KAZN: variants seen among roughly 807,000 people sequenced by gnomAD.
KAZN encodes kazrin.
In KAZN, 40 loss-of-function variants were observed where a neutral mutation model predicts 87.4. That is an observed-to-expected ratio of 0.46 (90% CI 0.36 to 0.60). The LOEUF (loss-of-function observed/expected upper bound fraction) is 0.60. KAZN is among the 20% of genes least tolerant of loss of function. The pLI, the probability that KAZN is intolerant of heterozygous loss-of-function variation, is 0.00. For missense variants in KAZN, 898 were observed against 1,073.9 expected (o/e 0.84, Z 2.29); for synonymous variants, 466 against 458.3 (o/e 1.02, Z -0.22).
chr1:14,368,304 C>A (rs368541319), intron 2 of KAZN, among the ~76,000 whole-genome samples: 1 of 152,096 alleles, frequency 6.6e-6, no homozygotes. Flanking sequence ...TGTTTACAGA[C>A]GGGATGCATC....
In KAZN at chr1:14,754,996, C is replaced by T. The variant is rs185230416; in HGVS notation, c.226+155773C>T. Among the ~76,000 whole-genome samples, 8 of 151,130 alleles carry T rather than the reference C, an allele frequency of 5.3e-5. No homozygotes were observed. The East Asian group carries it at 7.8e-4, about 15-fold the overall frequency. ...GTGGCTCACATCTATAATCCCAGCA[C>T]TGTGAGCGGCCAAGGCGGGAGGATC... On this transcript the variant is annotated intron_variant, in intron 1 of 14. Transcript: ENST00000376030.
chr1:14,333,390 G>A (rs1217964450), intron 2 of KAZN, among the ~76,000 whole-genome samples: 2 of 152,160 alleles, frequency 1.3e-5, no homozygotes, highest in African/African-American at 4.8e-5. Flanking sequence ...ATATTCAAAA[G>A]GAAGTTTAAA....
chr1:15,103,508 C>A, intron 12 of KAZN, 48 bp downstream of exon 12: 3 of 1,236,076 alleles, frequency 2.4e-6, no homozygotes, highest in Non-Finnish European at 2.3e-6. Flanking sequence ...ATACACAAAC[C>A]CCATGCAAAT....
intron 2 of KAZN, among the ~76,000 whole-genome samples, chr1:14,437,154 G>A (rs1666444025): frequency 6.6e-6 from 1 of 152,176 alleles, no homozygotes; most frequent in African/African-American, 2.4e-5. Flanking sequence ...CAGTGAGTCA[G>A]AGCCATGTGT....
At chr1:14,647,894 A>G (rs1379038397) in intron 1 of KAZN, among the ~76,000 whole-genome samples, 2 of 152,274 alleles carry the variant, frequency 1.3e-5, no homozygotes, top group East Asian at 3.9e-4. Context: ...CTTAACAGAA[A>G]GGGTGGTGTG....
chr1:15,072,707 A>G (rs190606855), intron 8 of KAZN, among the ~76,000 whole-genome samples: 1 of 152,318 alleles, frequency 6.6e-6, no homozygotes, highest in Non-Finnish European at 1.5e-5. Context: ...AGAGAGGTGA[A>G]GTTCTTGACT....
intron 2 of KAZN, among the ~76,000 whole-genome samples, chr1:14,195,511 T>TCACACA (rs55792359): frequency 0.23 from 34,238 of 145,834 alleles, 4,227 homozygotes; most frequent in Middle Eastern, 0.34. Context: ...CAAAAACGGC[T>TCACACA]CACACACACA....
intron 1 of KAZN, among the ~76,000 whole-genome samples, chr1:14,147,759 G>A (rs1259209620): frequency 6.6e-6 from 1 of 150,684 alleles, no homozygotes; most frequent in Non-Finnish European, 1.5e-5. Flanking sequence ...TCGCGCCACT[G>A]CACTCCAGCC....
At chr1:15,058,634 G>A (rs115587123) in intron 5 of KAZN, among the ~76,000 whole-genome samples, 132 of 152,322 alleles carry the variant, frequency 8.7e-4, no homozygotes, top group African/African-American at 3.1e-3. Flanking sequence ...GGCACCATGA[G>A]CTCTGGGATT....
At chr1:14,422,941 T>C (rs1292617889) in intron 2 of KAZN, among the ~76,000 whole-genome samples, 3 of 152,260 alleles carry the variant, frequency 2.0e-5, no homozygotes, top group Non-Finnish European at 4.4e-5. Context: ...AGATTGAGGC[T>C]TCTTTGCCTA....
intron 2 of KAZN, among the ~76,000 whole-genome samples, chr1:14,348,168 AG>A (rs1481555017): frequency 6.7e-6 from 1 of 150,198 alleles, no homozygotes; most frequent in Admixed American, 6.8e-5. Context: ...CTCCTGCCTC[AG>A]CCTCCCACGT....
intron 1 of KAZN, chr1:14,929,755 C>A (rs922253777): frequency 1.4e-5 from 14 of 985,174 alleles, no homozygotes; most frequent in Non-Finnish European, 1.7e-5. Flanking sequence ...ATTTACTCTC[C>A]GTGAGTGCGT....
chr1:14,907,377 G>A (rs1291796824), intron 1 of KAZN, among the ~76,000 whole-genome samples: 1 of 149,288 alleles, frequency 6.7e-6, no homozygotes. Context: ...ACTCCAGCCT[G>A]AGCAACAGAG....
intron 1 of KAZN, among the ~76,000 whole-genome samples, chr1:14,740,494 G>A (rs1003431887): frequency 6.6e-6 from 1 of 152,176 alleles, no homozygotes. Flanking sequence ...GCCAACTGCT[G>A]CCTTGCTAAA....
At chr1:14,496,445 A>G (rs777767153) in intron 2 of KAZN, among the ~76,000 whole-genome samples, 18 of 152,302 alleles carry the variant, frequency 1.2e-4, no homozygotes, top group Non-Finnish European at 2.4e-4. Flanking sequence ...CCACAGTGTT[A>G]GGGGGCTAGA....
chr1:14,228,279 G>C (rs1206694175), intron 2 of KAZN, among the ~76,000 whole-genome samples: 1 of 152,128 alleles, frequency 6.6e-6, no homozygotes, highest in Non-Finnish European at 1.5e-5. Context: ...TCTTACTTCA[G>C]GCTGACAACA....
In KAZN at chr1:14,626,471, G is replaced by A. The variant is rs1198365656; in HGVS notation, c.226+27248G>A. Among the ~76,000 whole-genome samples the A allele has an allele frequency of 8.5e-5, 13 of 152,292 alleles. No homozygotes were observed. In the East Asian group the frequency reaches 2.5e-3, roughly 29 times the overall value. On this transcript the variant is annotated intron_variant, in intron 1 of 14. Coordinates refer to ENST00000376030, the MANE Select transcript of KAZN (RefSeq NM_201628.3). ...TACCTATTTCGCAGATGAGAAAGTG[G>A]AGGTCCAGATGGGTCCAGGTCAAGT...
intron 1 of KAZN, among the ~76,000 whole-genome samples, chr1:14,082,998 C>T (rs1158543607): frequency 1.3e-5 from 2 of 152,202 alleles, no homozygotes; most frequent in Admixed American, 6.5e-5. Flanking sequence ...TGAGACCATC[C>T]TGGCTAACAC....
In KAZN at chr1:15,071,247, A is replaced by C. The variant is rs183345464; in HGVS notation, c.1222+5494A>C. On this transcript the variant is annotated intron_variant, in intron 8 of 14. Coordinates refer to ENST00000376030, the MANE Select transcript of KAZN (RefSeq NM_201628.3). The stretch of plus-strand genomic sequence containing the variant: ...ATAGGATATGGATATTTCTCTTTTT[A>C]TTTTTCTTTTTTTTTCTTTTTTGAG... Among the ~76,000 whole-genome samples the C allele has an allele frequency of 9.9e-5, 15 of 151,604 alleles. No individual in the cohort carries two copies. In the East Asian group the frequency reaches 2.3e-3, roughly 24 times the overall value.
Sources: allele counts gnomAD v4.1 joint callset (sites outside exome capture counted in the v4.1 genomes callset), GRCh38; gene constraint gnomAD v4.1.1; transcripts MANE v1.5; gene names NCBI Gene and HGNC (gene_info 2026-07-23, HGNC 2026-07-21).